Variants in ATP11A observed in about 807,000 individuals in gnomAD.
ATP11A encodes phospholipid-transporting ATPase IH.
A neutral mutation model predicts 154.4 loss-of-function variants in ATP11A; 81 were observed. The ratio of observed to expected loss-of-function variants is 0.52; its 90% CI spans 0.44 to 0.63. ATP11A has a LOEUF of 0.63. Ranked by LOEUF, ATP11A falls within the 30% of genes least tolerant of loss-of-function variation. The probability of loss-of-function intolerance (pLI) is 0.00; values close to 1 mark genes in which losing one functional copy is unlikely to be tolerated. For missense variants in ATP11A, 1,316 were observed against 1,474.3 expected (o/e 0.89, Z 1.76); for synonymous variants, 623 against 585.9 (o/e 1.06, Z -0.91).
intron 1 of ATP11A, among the ~76,000 whole-genome samples, chr13:112,769,293 G>A (rs1351048568): frequency 6.6e-6 from 1 of 152,172 alleles, no homozygotes; most frequent in African/African-American, 2.4e-5. Context: ...CTGCAGCCCC[G>A]CCCTCCTCTC....
chr13:112,810,610 T>C lies in ATP11A; in HGVS notation c.334-9T>C. ...CTTCCTCTCTCCCTTCTTTCCTTCC[T>C]TTTTTTAGGGTTATGAAGACTGGCT... On this transcript the variant is annotated splice_polypyrimidine_tract_variant and intron_variant, in intron 4 of 29. Coordinates refer to ENST00000375645, the MANE Select transcript of ATP11A (RefSeq NM_015205.3). The C allele has an allele frequency of 1.2e-6, 2 of 1,606,114 alleles. No homozygotes were observed. The highest frequency in any genetic ancestry group is 1.1e-5 in the South Asian group (1 of 90,774).
chr13:112,819,388 C>A lies in ATP11A; in HGVS notation c.655C>A (p.Pro219Thr). 6.2e-7 allele frequency: 1 copy of A among 1,614,180 alleles called. No individual in the cohort carries two copies. Among genetic ancestry groups the A allele is most frequent in the Non-Finnish European group, 8.5e-7 (1 of 1,180,030 alleles). Residue 219 changes from proline to threonine, a missense_variant, in exon 7 of 30, where the codon CCC becomes ACC. By Grantham distance (38) the Pro-to-Thr change is conservative. This residue lies in a region of ATP11A where 876 missense variants were observed against 1,006.8 expected (regional missense o/e 0.87). Transcript: ENST00000375645. ...GLHATIECEQ[P>T]QPDLYKFVGR... ...TCACGCCACCATCGAGTGTGAGCAG[C>A]CCCAGCCCGACCTCTACAAGTAAGC...
chr13:112,715,463 C>G (rs1383802355), intron 1 of ATP11A, among the ~76,000 whole-genome samples: 4 of 114,664 alleles, frequency 3.5e-5, no homozygotes, highest in South Asian at 3.6e-4. Flanking sequence ...ACACCTGGCC[C>G]ATCCCCCACA....
intron 16 of ATP11A, among the ~76,000 whole-genome samples, chr13:112,840,202 C>T (rs1457752702): frequency 8.8e-6 from 1 of 114,026 alleles, no homozygotes; most frequent in African/African-American, 3.8e-5. Flanking sequence ...TCTCCCGTGC[C>T]GTCCAGCCTC....
intron 12 of ATP11A, among the ~76,000 whole-genome samples, chr13:112,828,189 CATTGAGTGCGGGGGAAAGCGCCCAGCAGT>C (rs2078989700): frequency 7.0e-5 from 7 of 100,416 alleles, no homozygotes; most frequent in African/African-American, 3.0e-4. Flanking sequence ...CGCCCAGCAG[CATTGAGTGCGGGGGAAAGCGCCCAGCAGT>C]GTTGAGTGCA....
chr13:112,708,023 C>T (rs1198538767), intron 1 of ATP11A, among the ~76,000 whole-genome samples: 1 of 152,206 alleles, frequency 6.6e-6, no homozygotes, highest in African/African-American at 2.4e-5. Context: ...AATTCTTCTC[C>T]ATGACAAAGC....
At position 112,859,588 on chromosome 13, in the gene ATP11A, G is replaced by T; in HGVS notation, c.2727+136G>T. The T allele has an allele frequency of 2.6e-6, 2 of 782,110 alleles. No individual in the cohort carries two copies. The highest frequency in any genetic ancestry group is 2.9e-5 in the South Asian group (2 of 68,148). The allele number at this position is 782,110 out of a possible 1,614,324, so 48.4% of individuals were successfully genotyped here. ...CACGAGGGAGCCAGGGTGCCCAGCA[G>T]CAGGCGGGGGTGAAGGGTCGGGCCT... On this transcript the variant is annotated intron_variant, in intron 23 of 29. Coordinates refer to ENST00000375645, the MANE Select transcript of ATP11A (RefSeq NM_015205.3). The surrounding 1 kb of genome is among the most constrained non-coding windows in gnomAD (Gnocchi z 4.3).
intron 1 of ATP11A, among the ~76,000 whole-genome samples, chr13:112,779,652 G>T (rs926090756): frequency 4.6e-5 from 7 of 152,168 alleles, no homozygotes; most frequent in Non-Finnish European, 8.8e-5. Flanking sequence ...AGTGGCTCAC[G>T]CCTGTCATCC....
At chr13:112,762,523 C>T (rs183712468) in intron 1 of ATP11A, among the ~76,000 whole-genome samples, 33 of 152,132 alleles carry the variant, frequency 2.2e-4, no homozygotes, top group African/African-American at 7.5e-4. Context: ...GAGGAGACCA[C>T]GATAAACTCC....
intron 4 of ATP11A, among the ~76,000 whole-genome samples, chr13:112,806,501 G>A (rs1331264452): frequency 1.3e-5 from 2 of 152,280 alleles, no homozygotes; most frequent in Admixed American, 1.3e-4. Context: ...GGCACCATGC[G>A]AGTTCGAGAA....
rs572820146 is a variant in ATP11A at position 112,876,670 on chromosome 13, CCTGGA to C, written c.3327+734_3327+738del. On this transcript the variant is annotated intron_variant, in intron 28 of 29. Transcript: ENST00000375645. Reference sequence around the variant, plus strand: ...TTCCAATCACTCCTTGAGGTGGAGCCCTGGACTGGGCAGTGCTGAAGCCCAATGGG... The same window carrying C: ...TTCCAATCACTCCTTGAGGTGGAGCCCTGGGCAGTGCTGAAGCCCAATGGG... Among the ~76,000 whole-genome samples, 804 of 152,338 alleles carry C rather than the reference CCTGGA, an allele frequency of 5.3e-3. 6 individuals carry two copies. The highest frequency in any genetic ancestry group is 9.4e-3 in the Non-Finnish European group (638 of 68,030).
rs185195520 is a variant in ATP11A, at chr13:112,781,027, C to T, written c.40-4108C>T. 4.6e-3 allele frequency among the ~76,000 whole-genome samples: 696 copies of T among 152,006 alleles called. 7 individuals carry two copies. The highest frequency in any genetic ancestry group is 0.016 in the African/African-American group (650 of 41,432). ...AAAACAGCCCCGTGTGATGTGACCCCGTCTTTTGTTTGTTTGTTTGTTCGT... is the reference window on the plus strand; with the variant it reads ...AAAACAGCCCCGTGTGATGTGACCCTGTCTTTTGTTTGTTTGTTTGTTCGT... On this transcript the variant is annotated intron_variant, in intron 1 of 29. Transcript: ENST00000375645.
chr13:112,804,405 C>G (rs866977075), intron 2 of ATP11A, among the ~76,000 whole-genome samples: 40 of 3,366 alleles, frequency 0.012, no homozygotes, highest in African/African-American at 0.033. Context: ...CTCTGCCCTC[C>G]TTCCCCTCCT....
At chr13:112,841,294 G>A (rs2079409321) in intron 16 of ATP11A, among the ~76,000 whole-genome samples, 1 of 147,640 alleles carries the variant, frequency 6.8e-6, no homozygotes, top group Non-Finnish European at 1.5e-5. Context: ...GCACAAACCA[G>A]CCGCCTGGCA....
At chr13:112,825,748 C>T (rs2078917235) in intron 11 of ATP11A, among the ~76,000 whole-genome samples, 168 bp downstream of exon 11, 3 of 152,208 alleles carry the variant, frequency 2.0e-5, no homozygotes, top group African/African-American at 7.2e-5. Flanking sequence ...TCTCAGTGGA[C>T]ACCAGCTGCT....
chr13:112,866,173 A>G (rs1443843925), intron 25 of ATP11A, among the ~76,000 whole-genome samples: 2 of 152,220 alleles, frequency 1.3e-5, no homozygotes, highest in African/African-American at 4.8e-5. Flanking sequence ...CACATATGGT[A>G]AGACAATCAT....
intron 1 of ATP11A, among the ~76,000 whole-genome samples, chr13:112,758,795 A>G (rs2076902056): frequency 6.6e-6 from 1 of 152,224 alleles, no homozygotes; most frequent in Admixed American, 6.5e-5. Flanking sequence ...AACACTTGTG[A>G]AGCATTTTTC....
At chr13:112,872,845 C>A in intron 26 of ATP11A, among the ~76,000 whole-genome samples, 1 of 152,042 alleles carries the variant, frequency 6.6e-6, no homozygotes. Context: ...TGAGGTGTGG[C>A]TTTGTCTTCC....
At chr13:112,877,506 G>A (rs546834604) in intron 28 of ATP11A, among the ~76,000 whole-genome samples, 6 of 152,260 alleles carry the variant, frequency 3.9e-5, no homozygotes, top group Non-Finnish European at 8.8e-5. Context: ...AGGACATCAG[G>A]CACAGAAGAG....
Sources: allele counts gnomAD v4.1 joint callset (sites outside exome capture counted in the v4.1 genomes callset), GRCh38; gene constraint gnomAD v4.1.1; regional missense constraint gnomAD v4.1.1; non-coding constraint Gnocchi (gnomAD v3.1); transcripts MANE v1.5; gene names NCBI Gene and HGNC (gene_info 2026-07-23, HGNC 2026-07-21).